The following USP13 variants were observed in gnomAD, a reference collection of about 807,000 sequenced individuals.
USP13 encodes ubiquitin specific peptidase 13.
USP13 carries 68 observed loss-of-function variants against 107.8 expected under a neutral mutation model. The ratio of observed to expected loss-of-function variants is 0.63; its 90% CI spans 0.52 to 0.77. USP13 has a LOEUF of 0.77. Ranked by LOEUF, USP13 falls within the 30% of genes least tolerant of loss-of-function variation. The probability of loss-of-function intolerance (pLI) is 0.00; values close to 1 mark genes in which losing one functional copy is unlikely to be tolerated. For synonymous variants in USP13, 377 were observed against 389.5 expected (o/e 0.97, Z 0.38); for missense variants, 945 against 1,093.3 (o/e 0.86, Z 1.91).
intron 3 of USP13, among the ~76,000 whole-genome samples, chr3:179,692,597 A>G (rs1159186339): frequency 1.3e-5 from 2 of 152,242 alleles, no homozygotes; most frequent in Admixed American, 6.5e-5. Flanking sequence ...GCACCTTTGC[A>G]CTAATATAGA....
intron 3 of USP13, 34 bp downstream of exon 3, chr3:179,690,335 T>C (rs759834381): frequency 1.7e-5 from 27 of 1,582,878 alleles, no homozygotes; most frequent in South Asian, 2.2e-5. Flanking sequence ...TCAGATTTTG[T>C]GTTTGTGTGT....
rs143703894 is a variant in USP13, at chr3:179,721,475, C to T, written c.974C>T (p.Thr325Met). ...TGGGAAGTGATCCAGGAGTCGGGCA[C>T]GAAACTGAAGCCAATGTATGGTCCT... ...SEWEVIQESG[T>M]KLKPMYGPGY... Residue 325 changes from threonine (T) to methionine (M), a missense_variant, in exon 8 of 21, where the codon ACG (threonine) becomes ATG (methionine). Physicochemically the swap from Thr to Met is moderately conservative, Grantham distance 81 (BLOSUM62 -1). Transcript: ENST00000263966. The surrounding 1 kb of genome is among the most constrained non-coding windows in gnomAD (Gnocchi z 4.3). 48 of 1,614,120 alleles carry T rather than the reference C, an allele frequency of 3.0e-5. No homozygotes were observed. Among genetic ancestry groups the T allele is most frequent in the East Asian group, 1.1e-4 (5 of 44,876 alleles).
chr3:179,735,673 A>G (rs978776693), intron 10 of USP13, among the ~76,000 whole-genome samples: 7 of 151,736 alleles, frequency 4.6e-5, no homozygotes, highest in Non-Finnish European at 1.0e-4. Flanking sequence ...TCACCTATAG[A>G]TGTAGTTATG....
chr3:179,781,679 C>G (rs945740363), intron 19 of USP13, 60 bp from the exon 20 acceptor site: 3 of 1,476,774 alleles, frequency 2.0e-6, no homozygotes, highest in Non-Finnish European at 2.8e-6. Flanking sequence ...AAATTCTAAC[C>G]AGAAGTGCTC....
chr3:179,727,805 C>CT (rs1713592401), intron 8 of USP13, among the ~76,000 whole-genome samples: 1 of 111,044 alleles, frequency 9.0e-6, no homozygotes, highest in Admixed American at 8.6e-5. Context: ...CTGACCCCCC[C>CT]CCCACCTCCC....
chr3:179,659,761 G>C (rs1315076103), intron 1 of USP13, among the ~76,000 whole-genome samples: 2 of 152,170 alleles, frequency 1.3e-5, no homozygotes, highest in Middle Eastern at 3.2e-3. Flanking sequence ...CATTTTGGCT[G>C]GGCGCGGTGG....
rs145652252 is a variant in USP13, at chr3:179,660,692, T to G, written c.168+7299T>G. ...TCAATGAGACTTCCCATCATAATGT[T>G]TACTTGTAGGGAGAAAAAAAAGTTA... On this transcript the variant is annotated intron_variant, in intron 1 of 20. Transcript: ENST00000263966. Among the ~76,000 whole-genome samples the G allele has an allele frequency of 4.5e-3, 691 of 152,348 alleles. 9 individuals are homozygous for G. Among genetic ancestry groups the G allele is most frequent in the African/African-American group, 0.016 (652 of 41,576 alleles).
Position 179,721,969 on chromosome 3 carries a change from T to C in USP13, c.1088+380T>C, listed in dbSNP as rs1389142078. ...CTGTAATTCCAGCTACTCAGGAGGC[T>C]GAGGCAGGATCACTTGAACTCAGGA... On this transcript the variant is annotated intron_variant, in intron 8 of 20. Coordinates refer to ENST00000263966, the MANE Select transcript of USP13 (RefSeq NM_003940.3). The surrounding 1 kb of genome is among the most constrained non-coding windows in gnomAD (Gnocchi z 4.3). Among the ~76,000 whole-genome samples the C allele has an allele frequency of 6.6e-6, 1 of 150,690 alleles. No individual in the cohort carries two copies. The highest frequency in any genetic ancestry group is 2.5e-5 in the African/African-American group (1 of 40,714).
intron 1 of USP13, among the ~76,000 whole-genome samples, chr3:179,677,375 A>C (rs1466340628): frequency 6.6e-6 from 1 of 151,792 alleles, no homozygotes; most frequent in African/African-American, 2.4e-5. Context: ...AAGGTCAGGA[A>C]TTGCAGACCA....
intron 15 of USP13, among the ~76,000 whole-genome samples, chr3:179,756,133 A>T (rs1394803560): frequency 6.6e-6 from 1 of 152,200 alleles, no homozygotes; most frequent in Non-Finnish European, 1.5e-5. Flanking sequence ...GATCTTAGAA[A>T]TACAGAGAGG....
At chr3:179,691,298 G>A (rs1712111088) in intron 3 of USP13, among the ~76,000 whole-genome samples, 1 of 151,934 alleles carries the variant, frequency 6.6e-6, no homozygotes, top group Non-Finnish European at 1.5e-5. Flanking sequence ...ATGATCCAGG[G>A]TTCCGCATTG....
At chr3:179,760,877 T>C (rs900999403) in intron 16 of USP13, among the ~76,000 whole-genome samples, 2 of 152,214 alleles carry the variant, frequency 1.3e-5, no homozygotes, top group African/African-American at 4.8e-5. Context: ...TTTTCATTGC[T>C]TGCATTGTCC....
chr3:179,705,723 TA>T (rs200413180), intron 4 of USP13, among the ~76,000 whole-genome samples: 6 of 152,154 alleles, frequency 3.9e-5, no homozygotes, highest in Non-Finnish European at 8.8e-5. Flanking sequence ...TATTTTTTAT[TA>T]AAAAAATTTT....
chr3:179,764,145 G>T lies in USP13; in HGVS notation c.2236G>T (p.Ala746Ser). The T allele has an allele frequency of 5.0e-6, 8 of 1,613,028 alleles. No homozygotes were observed. Among genetic ancestry groups the T allele is most frequent in the Non-Finnish European group, 6.8e-6 (8 of 1,179,752 alleles). Residue 746 changes from alanine to serine, a missense_variant, in exon 18 of 21, where the codon GCT becomes TCT. By Grantham distance (99) the Ala-to-Ser change is moderately conservative. Transcript: ENST00000263966. ...CTCCATGGGATTTCAGCGAAATCAG[G>T]CTATTCAGGCACTACGAGCAACGGT... is the stretch of plus-strand genomic sequence containing the variant. ...ITSMGFQRNQ[A>S]IQALRATNNN...
chr3:179,734,656 A>G (rs563950213), intron 10 of USP13, among the ~76,000 whole-genome samples: 45 of 152,348 alleles, frequency 3.0e-4, no homozygotes, highest in African/African-American at 1.0e-3. Flanking sequence ...CACCTTTGAA[A>G]TATGAGTAAT....
chr3:179,727,764 T>A (rs1235659278), intron 8 of USP13, among the ~76,000 whole-genome samples: 1 of 79,376 alleles, frequency 1.3e-5, no homozygotes, highest in African/African-American at 4.5e-5. Flanking sequence ...GCCCCTCACC[T>A]CCCGGACGGG....
intron 1 of USP13, among the ~76,000 whole-genome samples, chr3:179,671,894 C>G (rs1350788074): frequency 6.6e-6 from 1 of 152,120 alleles, no homozygotes; most frequent in Non-Finnish European, 1.5e-5. Flanking sequence ...CTCCATCTAC[C>G]TACATCATGT....
At chr3:179,711,911 T>C (rs1712945570) in intron 6 of USP13, among the ~76,000 whole-genome samples, 1 of 152,250 alleles carries the variant, frequency 6.6e-6, no homozygotes, top group African/African-American at 2.4e-5. Flanking sequence ...CCATATGTGC[T>C]ATACTTATAT....
chr3:179,775,940 C>A (rs967152519), intron 19 of USP13, among the ~76,000 whole-genome samples: 3 of 152,190 alleles, frequency 2.0e-5, no homozygotes, highest in African/African-American at 7.2e-5. Flanking sequence ...TCCCACAGTG[C>A]AGCGGTGGGC....
Sources: allele counts gnomAD v4.1 joint callset (sites outside exome capture counted in the v4.1 genomes callset), GRCh38; gene constraint gnomAD v4.1.1; non-coding constraint Gnocchi (gnomAD v3.1); transcripts MANE v1.5; gene names NCBI Gene and HGNC (gene_info 2026-07-23, HGNC 2026-07-21).